OPRM1: variants seen among roughly 807,000 people sequenced by gnomAD.
OPRM1 encodes opioid receptor mu 1.
OPRM1 carries 27 observed loss-of-function variants against 31.8 expected under a neutral mutation model. The ratio of observed to expected loss-of-function variants is 0.85; its 90% CI spans 0.63 to 1.17. The LOEUF (loss-of-function observed/expected upper bound fraction) is 1.17. OPRM1 is among the 50% of genes most tolerant of loss of function. The pLI, the probability that OPRM1 is intolerant of heterozygous loss-of-function variation, is 0.00. For missense variants in OPRM1, 536 were observed against 511.1 expected (o/e 1.05, Z -0.47); for synonymous variants, 196 against 189.9 (o/e 1.03, Z -0.26).
At chr6:154,104,510 C>G (rs6905011) in intron 3 of OPRM1, among the ~76,000 whole-genome samples, 4,945 of 152,274 alleles carry the variant, frequency 0.032, 275 homozygotes, top group African/African-American at 0.11. Flanking sequence ...CTTGTTTCTT[C>G]TAAGCAGCAG....
chr6:154,110,281 T>A (rs1035687488), intron 3 of OPRM1: 1 of 760,528 alleles, frequency 1.3e-6, no homozygotes, highest in Non-Finnish European at 2.2e-6. Flanking sequence ...AATCATTGAA[T>A]TAAACTATAC....
chr6:154,194,371 C>T (rs1391610524), intron 3 of OPRM1, among the ~76,000 whole-genome samples: 3 of 152,072 alleles, frequency 2.0e-5, no homozygotes, highest in Non-Finnish European at 4.4e-5. Context: ...TGCACTCCAG[C>T]ATGGGCAACA....
downstream of OPRM1, among the ~76,000 whole-genome samples, chr6:154,133,208 G>T (rs369690941): frequency 3.3e-5 from 5 of 152,126 alleles, no homozygotes; most frequent in East Asian, 7.7e-4. Context: ...ATTTACAAGG[G>T]CCTTTTGAAA....
intron 1 of OPRM1, among the ~76,000 whole-genome samples, chr6:154,044,099 A>AGGAT (rs1780621845): frequency 6.6e-6 from 1 of 152,040 alleles, no homozygotes; most frequent in Admixed American, 6.5e-5. Flanking sequence ...CTTCTCTTAA[A>AGGAT]GGATGGATGG....
chr6:154,110,886 C>CAAAAAAAAAAA (rs374739553), intron 3 of OPRM1, among the ~76,000 whole-genome samples: 8 of 63,594 alleles, frequency 1.3e-4, no homozygotes, highest in Admixed American at 2.1e-4. Context: ...GACTCCGTCT[C>CAAAAAAAAAAA]AAAAAAAAAA....
chr6:154,150,843 G>T (rs1798481942), intron 3 of OPRM1, among the ~76,000 whole-genome samples: 1 of 151,842 alleles, frequency 6.6e-6, no homozygotes, highest in African/African-American at 2.4e-5. Context: ...CAGAAGATTA[G>T]TATTAATCAG....
intron 3 of OPRM1, among the ~76,000 whole-genome samples, chr6:154,214,994 C>A (rs1489018765): frequency 6.6e-6 from 1 of 152,158 alleles, no homozygotes; most frequent in Non-Finnish European, 1.5e-5. Flanking sequence ...TTTTTAAAAG[C>A]TGGGACACAA....
At position 154,039,767 on chromosome 6, in the gene OPRM1, G is replaced by GC; in HGVS notation, c.226dup (p.Leu76ProfsTer77). On this transcript the variant is annotated frameshift_variant, in exon 1 of 4. Coordinates refer to ENST00000330432, the MANE Select transcript of OPRM1 (RefSeq NM_000914.5). LOFTEE classifies it high-confidence loss of function. ...CATGATCACGGCCATCACGATCATG[G>GC]CCCTCTACTCCATCGTGTGCGTGGT... The GC allele has an allele frequency of 6.2e-7, 1 of 1,605,022 alleles. No homozygotes were observed. Among genetic ancestry groups the GC allele is most frequent in the Non-Finnish European group, 8.5e-7 (1 of 1,179,916 alleles).
At chr6:154,159,589 C>T in intron 3 of OPRM1, 1 of 515,914 alleles carries the variant, frequency 1.9e-6, no homozygotes, top group East Asian at 3.6e-5. Context: ...CCAGTAGGAA[C>T]ACAAAAAACG....
intron 3 of OPRM1, among the ~76,000 whole-genome samples, chr6:154,189,628 C>T (rs540069144): frequency 2.2e-4 from 34 of 152,116 alleles, no homozygotes; most frequent in Non-Finnish European, 3.4e-4. Flanking sequence ...ATGGTATTAC[C>T]CAGATTTGAT....
At chr6:154,057,817 A>G (rs1009514761) in intron 1 of OPRM1, among the ~76,000 whole-genome samples, 11 of 152,180 alleles carry the variant, frequency 7.2e-5, no homozygotes, top group African/African-American at 2.2e-4. Flanking sequence ...TGACCAGTCT[A>G]CTTATGAATA....
chr6:154,163,943 T>G (rs1799225087), intron 3 of OPRM1, among the ~76,000 whole-genome samples: 1 of 152,222 alleles, frequency 6.6e-6, no homozygotes, highest in Admixed American at 6.5e-5. Context: ...GCAGAGGGAT[T>G]GTTTATAGAA....
intron 3 of OPRM1, among the ~76,000 whole-genome samples, chr6:154,221,924 C>G (rs1370802283): frequency 2.6e-5 from 4 of 152,136 alleles, no homozygotes; most frequent in Admixed American, 2.0e-4. Flanking sequence ...TATCCTCTTC[C>G]TTTCACTTGC....
At chr6:154,156,163 G>A (rs1249409094) in intron 3 of OPRM1, 1 of 152,292 alleles carries the variant, frequency 6.6e-6, no homozygotes, top group Non-Finnish European at 1.5e-5. Flanking sequence ...AACACAGCAT[G>A]ATTAGGTGAA....
intron 3 of OPRM1, among the ~76,000 whole-genome samples, chr6:154,109,627 A>C (rs901970512): frequency 6.6e-6 from 1 of 152,182 alleles, no homozygotes; most frequent in African/African-American, 2.4e-5. Context: ...GAACACTACT[A>C]AAGTGAAATG....
intron 3 of OPRM1, 106 bp downstream of exon 3, chr6:154,091,578 G>A: frequency 2.1e-6 from 3 of 1,452,198 alleles, no homozygotes; most frequent in South Asian, 1.5e-5. Context: ...GAGAATGGAG[G>A]GAAGAGGGGA....
At position 154,126,341 on chromosome 6, in the gene OPRM1, G is replaced by A. The variant is rs932681073; in HGVS notation, c.*7620G>A. Among the ~76,000 whole-genome samples, 2 of 152,172 alleles carry A rather than the reference G, an allele frequency of 1.3e-5. No individual in the cohort carries two copies. The highest frequency in any genetic ancestry group is 4.8e-5 in the African/African-American group (2 of 41,428). ...TTTAATTAACAAGACCAGAGAGAAG[G>A]GAGAGGAGACTACATTTGTGTGACC... On this transcript the variant is annotated 3_prime_UTR_variant, in exon 4 of 4. Coordinates refer to ENST00000330432, the MANE Select transcript of OPRM1 (RefSeq NM_000914.5).
At chr6:154,186,717 T>C (rs9384185) in intron 3 of OPRM1, among the ~76,000 whole-genome samples, 103,955 of 151,302 alleles carry the variant, frequency 0.69, 36,594 homozygotes, top group East Asian at 0.89. Context: ...CCATCACGCC[T>C]GGCTAATTTT....
At chr6:154,186,127 T>G (rs1801324426) in intron 3 of OPRM1, among the ~76,000 whole-genome samples, 1 of 152,234 alleles carries the variant, frequency 6.6e-6, no homozygotes, top group African/African-American at 2.4e-5. Context: ...CTGAAGATTA[T>G]CCATTTTAAA....
Sources: gnomAD v4.1 joint callset for allele counts (sites outside exome capture counted in the v4.1 genomes callset) on GRCh38, gnomAD v4.1.1 for gene constraint, MANE v1.5 for transcripts, NCBI Gene and HGNC (gene_info 2026-07-23, HGNC 2026-07-21) for gene names.